MR1: variants seen among roughly 807,000 people sequenced by gnomAD.
The protein encoded by MR1 is major histocompatibility complex class I-related protein 1.
A neutral mutation model predicts 37.8 loss-of-function variants in MR1; 44 were observed. That is an observed-to-expected ratio of 1.16 (90% CI 0.91 to 1.50). The LOEUF (loss-of-function observed/expected upper bound fraction) is 1.50, where lower values mean the gene tolerates loss of function less well. MR1 is among the 40% of genes most tolerant of loss of function. MR1 has a pLI of 0.00. For missense variants in MR1, 386 were observed against 419.1 expected (o/e 0.92, Z 0.69); for synonymous variants, 153 against 155.8 (o/e 0.98, Z 0.13).
At chr1:181,052,605 C>A in intron 4 of MR1, 95 bp downstream of exon 4, 2 of 1,342,754 alleles carry the variant, frequency 1.5e-6, no homozygotes, top group Non-Finnish European at 2.0e-6. Flanking sequence ...GGATAGATCA[C>A]TGCCTCACTC....
intron 1 of MR1, among the ~76,000 whole-genome samples, chr1:181,039,100 C>G (rs573773067): frequency 1.3e-5 from 2 of 151,766 alleles, no homozygotes; most frequent in Admixed American, 6.6e-5. Context: ...CCACCACACC[C>G]GGCCTCTCTG....
chr1:181,053,232 A>C (rs548708632), intron 4 of MR1, among the ~76,000 whole-genome samples: 1 of 151,974 alleles, frequency 6.6e-6, no homozygotes, highest in South Asian at 2.1e-4. Flanking sequence ...AAACACAACA[A>C]TTAGCTGGGC....
At chr1:181,042,763 C>T (rs1038879574) in intron 1 of MR1, among the ~76,000 whole-genome samples, 14 of 151,974 alleles carry the variant, frequency 9.2e-5, no homozygotes, top group Non-Finnish European at 1.5e-4. Flanking sequence ...GCCGAGATCA[C>T]GCCACTGCAC....
rs374114463 is a variant in MR1 at position 181,060,136 on chromosome 1, A to G, written c.*4871A>G. 85 of 149,504 alleles carry G rather than the reference A, an allele frequency of 5.7e-4. No homozygotes were observed. The highest frequency in any genetic ancestry group is 1.8e-3 in the African/African-American group (75 of 41,172). 9.3% of individuals were successfully genotyped at this position (149,504 alleles called of 1,614,324 possible). On this transcript the variant is annotated 3_prime_UTR_variant, in exon 6 of 6. Coordinates refer to ENST00000367580, the MANE Select transcript of MR1 (RefSeq NM_001385161.1). ...AGGATCTGTTCCAGGCTTCCCTCCT[A>G]TCTTCTGGTTGTTCCTTGCCTTCTG...
At position 181,049,043 on chromosome 1, in the gene MR1, C is replaced by G. The variant is rs1021848608; in HGVS notation, c.68-9C>G. The stretch of plus-strand genomic sequence containing the variant: ...CCCTACATGTCTTCCTTCTTTGCCT[C>G]CTTTCCAGGGACGCACTCTCTGAGA... On this transcript the variant is annotated splice_polypyrimidine_tract_variant and intron_variant, in intron 1 of 5. Transcript: ENST00000367580. The G allele has an allele frequency of 6.2e-7, 1 of 1,611,958 alleles. No individual in the cohort carries two copies. The highest frequency in any genetic ancestry group is 1.3e-5 in the African/African-American group (1 of 74,848).
chr1:181,034,187 GT>G, intron 1 of MR1, 113 bp downstream of exon 1: 1 of 924,340 alleles, frequency 1.1e-6, no homozygotes, highest in Non-Finnish European at 1.6e-6. Context: ...GGGCAGAAAC[GT>G]GTATGTATTA....
chr1:181,053,361 G>A (rs1445132087), intron 4 of MR1, among the ~76,000 whole-genome samples: 3 of 149,218 alleles, frequency 2.0e-5, no homozygotes, highest in East Asian at 4.0e-4. Flanking sequence ...CCACCTGGAC[G>A]ACAGAGTGAG....
Position 181,050,094 on chromosome 1 carries a change from G to A in MR1, c.412G>A (p.Gly138Arg), listed in dbSNP as rs749930100. The A allele has an allele frequency of 9.9e-6, 16 of 1,614,158 alleles. No individual in the cohort carries two copies. The highest frequency in any genetic ancestry group is 2.2e-5 in the East Asian group (1 of 44,884). Residue 138 changes from glycine (G) to arginine (R), a missense_variant, in exon 3 of 6, where the codon GGG (glycine) becomes AGG (arginine). Gly to Arg is a moderately radical substitution (Grantham distance 125). Transcript: ENST00000367580. The stretch of plus-strand genomic sequence containing the variant: ...AGGATTTCTGCAGTATGCATATGAC[G>A]GGCAGGATTTCCTGATCTTCAATAA... The part of the protein sequence containing the change: ...TTGFLQYAYD[G>R]QDFLIFNKDT...
chr1:181,053,526 G>C (rs751981491), intron 4 of MR1, 47 bp from the exon 5 acceptor site: 1 of 1,429,000 alleles, frequency 7.0e-7, no homozygotes, highest in East Asian at 2.3e-5. Flanking sequence ...AGTTAACACA[G>C]AAGGGAAAGG....
chr1:181,053,766 A>G lies in MR1; in HGVS notation c.985+89A>G, dbSNP rs1658459026. The G allele has an allele frequency of 3.0e-5, 28 of 945,706 alleles. No individual in the cohort carries two copies. In the South Asian group the frequency reaches 3.9e-4, roughly 13 times the overall value. 58.6% of individuals were successfully genotyped at this position (945,706 alleles called of 1,614,324 possible). ...TTCTGCACCTGCTGCTCCCTCCTCC[A>G]TTCAGAAATGGCTTGGCTCTCAGGC... On this transcript the variant is annotated intron_variant, in intron 5 of 5. Coordinates refer to ENST00000367580, the MANE Select transcript of MR1 (RefSeq NM_001385161.1).
chr1:181,045,810 C>T (rs1428452936), intron 1 of MR1, among the ~76,000 whole-genome samples: 2 of 152,234 alleles, frequency 1.3e-5, no homozygotes, highest in Non-Finnish European at 2.9e-5. Flanking sequence ...AGCCCGCTCC[C>T]GCAGCTTGCA....
In MR1 at chr1:181,033,984, A is replaced by G. The variant is rs1420818945; in HGVS notation, c.-24A>G. On this transcript the variant is annotated 5_prime_UTR_variant, in exon 1 of 6. Transcript: ENST00000367580. ...GAAGGGACCTGTCAGTTTTTGGTTA[A>G]AAGAACCCGGAAAGAGAAGGACTAT... 6.2e-7 allele frequency: 1 copy of G among 1,600,968 alleles called. No homozygotes were observed. Among genetic ancestry groups the G allele is most frequent in the Non-Finnish European group, 8.5e-7 (1 of 1,175,882 alleles).
At chr1:181,050,443 T>A in intron 3 of MR1, 157 bp downstream of exon 3, 1 of 895,816 alleles carries the variant, frequency 1.1e-6, no homozygotes, top group Non-Finnish European at 1.7e-6. Context: ...AAACTTTCCC[T>A]GGTTACTTTT....
chr1:181,047,233 A>G (rs1469433210), intron 1 of MR1, among the ~76,000 whole-genome samples: 2 of 152,094 alleles, frequency 1.3e-5, no homozygotes, highest in African/African-American at 4.8e-5. Flanking sequence ...TATAACTAGT[A>G]AGTAGAAAAA....
At chr1:181,052,005 C>G (rs1021901929) in intron 3 of MR1, among the ~76,000 whole-genome samples, 1 of 152,204 alleles carries the variant, frequency 6.6e-6, no homozygotes, top group Admixed American at 6.5e-5. Flanking sequence ...ACTTTCCCCC[C>G]TTAGAGGATG....
chr1:181,053,762 C>T (rs1658458676), intron 5 of MR1, 85 bp downstream of exon 5: 5 of 976,172 alleles, frequency 5.1e-6, no homozygotes, highest in East Asian at 2.4e-5. Context: ...CTGCTCCCTC[C>T]TCCATTCAGA....
intron 1 of MR1, among the ~76,000 whole-genome samples, chr1:181,040,036 T>C (rs1309521074): frequency 1.3e-5 from 2 of 152,160 alleles, no homozygotes; most frequent in Non-Finnish European, 2.9e-5. Flanking sequence ...CAAGTAGCCA[T>C]TGCACCTAGC....
At position 181,047,983 on chromosome 1, in the gene MR1, C is replaced by T. The variant is rs191603744; in HGVS notation, c.68-1069C>T. Among the ~76,000 whole-genome samples the T allele has an allele frequency of 2.2e-4, 33 of 151,010 alleles. No homozygotes were observed. The East Asian group carries it at 3.9e-3, about 18-fold the overall frequency. On this transcript the variant is annotated intron_variant, in intron 1 of 5. Transcript: ENST00000367580. Reference sequence around the variant, plus strand: ...CTGTAATCCCAGCACTTTGGGAGGCCGAGGTGGGTGGATCACGAGGTCAGG... The same window carrying T: ...CTGTAATCCCAGCACTTTGGGAGGCTGAGGTGGGTGGATCACGAGGTCAGG...
intron 1 of MR1, among the ~76,000 whole-genome samples, chr1:181,043,081 A>G (rs182324601): frequency 4.9e-4 from 75 of 152,314 alleles, no homozygotes; most frequent in South Asian, 3.5e-3. Flanking sequence ...TTACGACAGA[A>G]CTCATGCTCT....
Sources: gnomAD v4.1 joint callset for allele counts (sites outside exome capture counted in the v4.1 genomes callset) on GRCh38, gnomAD v4.1.1 for gene constraint, MANE v1.5 for transcripts, NCBI Gene and HGNC (gene_info 2026-07-23, HGNC 2026-07-21) for gene names.